The following GPIHBP1 variants were observed in gnomAD, a reference collection of about 807,000 sequenced individuals.
The protein encoded by GPIHBP1 is glycosylphosphatidylinositol-anchored high density lipoprotein-binding protein 1.
Under a neutral mutation model 13.0 loss-of-function variants are expected in GPIHBP1, and 11 were observed. The ratio of observed to expected loss-of-function variants is 0.84; its 90% CI spans 0.53 to 1.40. GPIHBP1 has a LOEUF of 1.40. Among genes scored for constraint, GPIHBP1 ranks in the 40% most tolerant of loss-of-function variants. The pLI, the probability that GPIHBP1 is intolerant of heterozygous loss-of-function variation, is 0.00. For synonymous variants in GPIHBP1, 106 were observed against 102.2 expected (o/e 1.04, Z -0.22); for missense variants, 231 against 241.1 (o/e 0.96, Z 0.28).
intron 1 of GPIHBP1, 107 bp from the exon 2 acceptor site, chr8:143,213,715 C>A: frequency 6.6e-7 from 1 of 1,517,976 alleles, no homozygotes; most frequent in Non-Finnish European, 8.9e-7. Flanking sequence ...CCCTGGGGCC[C>A]GAGGATGGCT....
In GPIHBP1 at chr8:143,215,268, T is replaced by C. The variant is rs200709949; in HGVS notation, c.305T>C (p.Leu102Pro). The C allele has an allele frequency of 6.2e-6, 10 of 1,612,722 alleles. No individual in the cohort carries two copies. In the South Asian group the frequency reaches 1.1e-4, roughly 18 times the overall value. ...CCACTCCCCTTCCCAGAGTCAGGCC[T>C]CCTGACCACCCACTCCACGTGGTGC... ...LIAHGNTESGLLTTHSTWCTD... is the reference protein window; with the variant it reads ...LIAHGNTESGPLTTHSTWCTD... The change falls in exon 4 of 4, where the codon CTC (leucine) becomes CCC (proline). Residue 102 changes from leucine to proline, a missense_variant. Transcript: ENST00000622500.
chr8:143,213,907 G>T lies in GPIHBP1; in HGVS notation c.138G>T (p.Val46=), dbSNP rs11538388. ...DDYDEEDEDE[V]EEEETNRLPG... ...ACGACGAGGAAGATGAGGATGAGGT[G>T]GAAGAGGAGGAGACCAACAGGCTCC... Residue 46 remains valine (V), a synonymous_variant, in exon 2 of 4, where the codon GTG becomes GTT. Transcript: ENST00000622500. The T allele has an allele frequency of 0.42, 657,303 of 1,550,820 alleles. 142,032 individuals are homozygous for T. The highest frequency in any genetic ancestry group is 0.45 in the Non-Finnish European group (510,990 of 1,146,614).
chr8:143,215,881 CT>C lies in GPIHBP1; in HGVS notation c.*365del. On this transcript the variant is annotated 3_prime_UTR_variant, in exon 4 of 4. Transcript: ENST00000622500. ...CCCCACACCCAGTCCTCACCCTTAA[CT>C]TCTGCCATGGGAATTCCTCCATCTG... is the stretch of plus-strand genomic sequence containing the variant. The C allele has an allele frequency of 3.3e-6, 1 of 302,752 alleles. No homozygotes were observed. The highest frequency in any genetic ancestry group is 6.2e-5 in the East Asian group (1 of 16,142). 18.8% of individuals were successfully genotyped at this position (302,752 alleles called of 1,614,324 possible). A position where few individuals can be genotyped will look rare whatever the true frequency, so the allele number is the denominator to read the frequency against.
chr8:143,213,262 G>C lies in GPIHBP1; in HGVS notation c.-6G>C. 6.3e-7 allele frequency: 1 copy of C among 1,593,180 alleles called. No individual in the cohort carries two copies. The highest frequency in any genetic ancestry group is 8.5e-7 in the Non-Finnish European group (1 of 1,174,016). ...CAGAGTCAGGGACACAGCAGCGTCC[G>C]GCGAGATGAAGGCGCTCGGGGCTGT... On this transcript the variant is annotated 5_prime_UTR_variant, in exon 1 of 4. Transcript: ENST00000622500.
rs776509101 is a variant in GPIHBP1 at position 143,215,002 on chromosome 8, C to A, written c.182-11C>A. On this transcript the variant is annotated splice_polypyrimidine_tract_variant and intron_variant, in intron 2 of 3. Transcript: ENST00000622500. ...GGGCCCGGCCTCGGCCTGAGCCCGC[C>A]TTGTCCCCAGTGCTGCTGCGGTGCT... The A allele has an allele frequency of 9.0e-6, 14 of 1,553,492 alleles. No individual in the cohort carries two copies. The Admixed American group carries it at 1.3e-4, about 15-fold the overall frequency.
chr8:143,214,970 C>A lies in GPIHBP1; in HGVS notation c.182-43C>A, dbSNP rs1040945521. 3 of 1,371,662 alleles carry A rather than the reference C, an allele frequency of 2.2e-6. No individual in the cohort carries two copies. The highest frequency in any genetic ancestry group is 1.2e-5 in the South Asian group (1 of 80,504). The allele number at this position is 1,371,662 out of a possible 1,614,324, so 85.0% of individuals were successfully genotyped here. A position where few individuals can be genotyped will look rare whatever the true frequency, so the allele number is the denominator to read the frequency against. ...AGGTGGACAGGGACGTGGGAGGAGA[C>A]CCTGGGGGGCCCGGCCTCGGCCTGA... On this transcript the variant is annotated intron_variant, in intron 2 of 3. Coordinates refer to ENST00000622500, the MANE Select transcript of GPIHBP1 (RefSeq NM_178172.6). This position sits in a 1 kb window ranked among gnomAD's most constrained non-coding sequence, Gnocchi z 4.1.
chr8:143,214,042 C>T lies in GPIHBP1; in HGVS notation c.181+92C>T, dbSNP rs1487210926. On this transcript the variant is annotated intron_variant, in intron 2 of 3. Transcript: ENST00000622500. The surrounding 1 kb of genome is among the most constrained non-coding windows in gnomAD (Gnocchi z 4.1). ...TGATGGAAGCCAGCAGGCCACAGTC[C>T]TGCTGTGAGCTTGCCTCCAGCAGAG... 4 of 1,503,884 alleles carry T rather than the reference C, an allele frequency of 2.7e-6. No individual in the cohort carries two copies. The Admixed American group carries it at 5.9e-5, about 22-fold the overall frequency. The allele number at this position is 1,503,884 out of a possible 1,614,324, so 93.2% of individuals were successfully genotyped here. A position where few individuals can be genotyped will look rare whatever the true frequency, so the allele number is the denominator to read the frequency against.
In GPIHBP1 at chr8:143,215,889, A is replaced by G. The variant is rs1586695924; in HGVS notation, c.*371A>G. On this transcript the variant is annotated 3_prime_UTR_variant, in exon 4 of 4. Transcript: ENST00000622500. ...CCAGTCCTCACCCTTAACTTCTGCC[A>G]TGGGAATTCCTCCATCTGCAGCGGT... The G allele has an allele frequency of 7.3e-6, 2 of 273,206 alleles. No individual in the cohort carries two copies. Among genetic ancestry groups the G allele is most frequent in the East Asian group, 7.2e-5 (1 of 13,958 alleles). The allele number at this position is 273,206 out of a possible 1,614,324, so 16.9% of individuals were successfully genotyped here. A position where few individuals can be genotyped will look rare whatever the true frequency, so the allele number is the denominator to read the frequency against.
In GPIHBP1 at chr8:143,215,379, C is replaced by T. The variant is rs866602255; in HGVS notation, c.416C>T (p.Pro139Leu). The T allele has an allele frequency of 6.2e-7, 1 of 1,612,928 alleles. No individual in the cohort carries two copies. Among genetic ancestry groups the T allele is most frequent in the Non-Finnish European group, 8.5e-7 (1 of 1,180,000 alleles). Residue 139 changes from proline to leucine, a missense_variant, in exon 4 of 4, where the codon CCA becomes CTA. Transcript: ENST00000622500. ...TCCQSSLCNV[P>L]PWQSSRVQDP... ...TGCCAGTCCAGCCTGTGCAATGTCC[C>T]ACCCTGGCAAAGCTCCCGAGTCCAG...
At position 143,215,816 on chromosome 8, in the gene GPIHBP1, A is replaced by C; in HGVS notation, c.*298A>C. 2.0e-6 allele frequency: 1 copy of C among 507,716 alleles called. No homozygotes were observed. Among genetic ancestry groups the C allele is most frequent in the Non-Finnish European group, 3.5e-6 (1 of 283,062 alleles). The allele number at this position is 507,716 out of a possible 1,614,324, so 31.5% of individuals were successfully genotyped here. ...ATGGGGGCTGGGGATCCCCATCAGC[A>C]CAGCCAGGCAGAGATGATACCCACC... On this transcript the variant is annotated 3_prime_UTR_variant, in exon 4 of 4. Coordinates refer to ENST00000622500, the MANE Select transcript of GPIHBP1 (RefSeq NM_178172.6).
Position 143,214,014 on chromosome 8 carries a change from G to A in GPIHBP1, c.181+64G>A, listed in dbSNP as rs1816262773. 1 of 1,543,694 alleles carries A rather than the reference G, an allele frequency of 6.5e-7. No individual in the cohort carries two copies. The highest frequency in any genetic ancestry group is 2.5e-5 in the East Asian group (1 of 40,726). On this transcript the variant is annotated intron_variant, in intron 2 of 3. Coordinates refer to ENST00000622500, the MANE Select transcript of GPIHBP1 (RefSeq NM_178172.6). This position sits in a 1 kb window ranked among gnomAD's most constrained non-coding sequence, Gnocchi z 4.1. Reference sequence around the variant, plus strand: ...TGCCTGGAGCATTCTGGGCGGGGCTGTGTGATGGAAGCCAGCAGGCCACAG... The same window carrying A: ...TGCCTGGAGCATTCTGGGCGGGGCTATGTGATGGAAGCCAGCAGGCCACAG...
intron 1 of GPIHBP1, 145 bp downstream of exon 1, chr8:143,213,464 C>A: frequency 2.6e-6 from 2 of 754,830 alleles, no homozygotes; most frequent in Non-Finnish European, 4.4e-6. Context: ...TGGATGGAAG[C>A]TGGCCTGGGT....
At position 143,214,627 on chromosome 8, in the gene GPIHBP1, G is replaced by A. The variant is rs777066005; in HGVS notation, c.182-386G>A. On this transcript the variant is annotated intron_variant, in intron 2 of 3. Transcript: ENST00000622500. This position sits in a 1 kb window ranked among gnomAD's most constrained non-coding sequence, Gnocchi z 4.1. Reference sequence around the variant, plus strand: ...GGAGCCCCAAGCCTGCCCTCAGCACGAGCCCTGCCCCACACACCCACGAGG... The same window carrying A: ...GGAGCCCCAAGCCTGCCCTCAGCACAAGCCCTGCCCCACACACCCACGAGG... Among the ~76,000 whole-genome samples, 18 of 151,402 alleles carry A rather than the reference G, an allele frequency of 1.2e-4. No individual in the cohort carries two copies. The highest frequency in any genetic ancestry group is 1.2e-3 in the East Asian group (6 of 5,122).
At position 143,215,745 on chromosome 8, in the gene GPIHBP1, G is replaced by A. The variant is rs961268016; in HGVS notation, c.*227G>A. ...AGCAGCAAGACTGCCGCACGTGGGC[G>A]CTGGGTCCAGACCTCGGCTGCCACG... On this transcript the variant is annotated 3_prime_UTR_variant, in exon 4 of 4. Transcript: ENST00000622500. 10 of 591,022 alleles carry A rather than the reference G, an allele frequency of 1.7e-5. No homozygotes were observed. The highest frequency in any genetic ancestry group is 2.4e-5 in the Non-Finnish European group (8 of 331,824). 36.6% of individuals were successfully genotyped at this position (591,022 alleles called of 1,614,324 possible). A position where few individuals can be genotyped will look rare whatever the true frequency, so the allele number is the denominator to read the frequency against.
chr8:143,213,975 C>T (rs907630183), intron 2 of GPIHBP1, 25 bp downstream of exon 2: 1 of 1,549,488 alleles, frequency 6.5e-7, no homozygotes, highest in Admixed American at 2.0e-5. Context: ...ACCCCAGAGC[C>T]CTGCTGCCTG....
In GPIHBP1 at chr8:143,213,841, GGAGGAA is replaced by G. The variant is rs776155987; in HGVS notation, c.84_89del (p.Glu28_Glu29del). On this transcript the variant is annotated inframe_deletion, in exon 2 of 4. Transcript: ENST00000622500. The stretch of plus-strand genomic sequence containing the variant: ...GGCCAGGGAGAGGGCAGACACAGCA[GGAGGAA>G]GAGGAAGAGGACGAGGACCACGGGC... The G allele has an allele frequency of 1.5e-5, 23 of 1,563,794 alleles. No individual in the cohort carries two copies. Among genetic ancestry groups the G allele is most frequent in the South Asian group, 1.2e-5 (1 of 84,886 alleles).
chr8:143,215,523 C>T lies in GPIHBP1; in HGVS notation c.*5C>T, dbSNP rs200984081. ...ATGGGGGCCAGGAGACCCTGACCCACGGCCCCTCCCCACCCCCACCCGGCT... is the reference window on the plus strand; with the variant it reads ...ATGGGGGCCAGGAGACCCTGACCCATGGCCCCTCCCCACCCCCACCCGGCT... On this transcript the variant is annotated 3_prime_UTR_variant, in exon 4 of 4. Transcript: ENST00000622500. 22 of 1,573,318 alleles carry T rather than the reference C, an allele frequency of 1.4e-5. No individual in the cohort carries two copies. Among genetic ancestry groups the T allele is most frequent in the Middle Eastern group, 2.1e-4 (1 of 4,658 alleles).
Position 143,214,261 on chromosome 8 carries a change from G to C in GPIHBP1, c.181+311G>C, listed in dbSNP as rs1816265881. 6.6e-6 allele frequency among the ~76,000 whole-genome samples: 1 copy of C among 152,066 alleles called. No homozygotes were observed. The highest frequency in any genetic ancestry group is 1.5e-5 in the Non-Finnish European group (1 of 68,006). ...GGAGACACAAGCACAGAGGCCCCAG[G>C]GTAGGGTTCAGTTTTGTGGGGCAGA... On this transcript the variant is annotated intron_variant, in intron 2 of 3. Coordinates refer to ENST00000622500, the MANE Select transcript of GPIHBP1 (RefSeq NM_178172.6). The surrounding 1 kb of genome is among the most constrained non-coding windows in gnomAD (Gnocchi z 4.1).
At chr8:143,213,380 G>A in intron 1 of GPIHBP1, 61 bp downstream of exon 1, 1 of 1,332,250 alleles carries the variant, frequency 7.5e-7, no homozygotes, top group Non-Finnish European at 1.1e-6. Flanking sequence ...GGAGCACAGG[G>A]ACCTCCAGGG....
Sources: gnomAD v4.1 joint callset for allele counts (sites outside exome capture counted in the v4.1 genomes callset) on GRCh38, gnomAD v4.1.1 for gene constraint, Gnocchi (gnomAD v3.1) non-coding constraint, MANE v1.5 for transcripts, NCBI Gene and HGNC (gene_info 2026-07-23, HGNC 2026-07-21) for gene names.